The following ATP8A1 variants were observed in gnomAD, a reference collection of about 807,000 sequenced individuals.
ATP8A1 encodes ATPase phospholipid transporting 8A1.
Under a neutral mutation model 177.7 loss-of-function variants are expected in ATP8A1, and 90 were observed. The observed-to-expected ratio is 0.51, with a 90% CI of 0.43 to 0.60. The LOEUF (loss-of-function observed/expected upper bound fraction) is 0.60, where lower values mean the gene tolerates loss of function less well. Among genes scored for constraint, ATP8A1 ranks in the 20% least tolerant of loss-of-function variants. The pLI, the probability that ATP8A1 is intolerant of heterozygous loss-of-function variation, is 0.00. For missense variants in ATP8A1, 1,072 were observed against 1,392.8 expected (o/e 0.77, Z 3.67); for synonymous variants, 493 against 485.9 (o/e 1.01, Z -0.19).
intron 1 of ATP8A1, among the ~76,000 whole-genome samples, chr4:42,632,674 A>G (rs1330212774): frequency 6.6e-6 from 1 of 152,216 alleles, no homozygotes; most frequent in Non-Finnish European, 1.5e-5. Context: ...TTTATTTGTC[A>G]AGAAAACAAA....
chr4:42,524,665 G>T (rs111997833), intron 21 of ATP8A1, 98 bp downstream of exon 21: 4 of 664,954 alleles, frequency 6.0e-6, no homozygotes, highest in Non-Finnish European at 9.6e-6. Flanking sequence ...CTTACTTTAG[G>T]AATCTCTAAG....
At chr4:42,494,613 T>C (rs1723082580) in intron 24 of ATP8A1, among the ~76,000 whole-genome samples, 1 of 152,214 alleles carries the variant, frequency 6.6e-6, no homozygotes, top group Admixed American at 6.5e-5. Flanking sequence ...AAGATGGCAT[T>C]ATCTAGTCTC....
At chr4:42,598,486 T>C (rs996279821) in intron 6 of ATP8A1, among the ~76,000 whole-genome samples, 1 of 152,178 alleles carries the variant, frequency 6.6e-6, no homozygotes, top group Non-Finnish European at 1.5e-5. Context: ...TTCCAAAATA[T>C]ATTCTACTTT....
chr4:42,537,147 C>CAA (rs375397881), intron 20 of ATP8A1, among the ~76,000 whole-genome samples: 5 of 125,990 alleles, frequency 4.0e-5, no homozygotes, highest in Admixed American at 1.5e-4. Context: ...AAAAAAAAAA[C>CAA]AAAAAAACCA....
chr4:42,621,733 AATT>A (rs1447766722), intron 4 of ATP8A1, among the ~76,000 whole-genome samples: 15 of 152,222 alleles, frequency 9.9e-5, no homozygotes, highest in Non-Finnish European at 2.9e-5. Context: ...ACTATTTAAA[AATT>A]CATATGGAAC....
At chr4:42,647,355 G>T (rs1577779513) in intron 1 of ATP8A1, among the ~76,000 whole-genome samples, 1 of 152,120 alleles carries the variant, frequency 6.6e-6, no homozygotes, top group Admixed American at 6.6e-5. Context: ...GTTCAATACA[G>T]TGGCCACTAG....
intron 35 of ATP8A1, among the ~76,000 whole-genome samples, chr4:42,418,641 T>G (rs1713518530): frequency 6.6e-6 from 1 of 152,190 alleles, no homozygotes; most frequent in African/African-American, 2.4e-5. Context: ...ATTTTAAACC[T>G]TCAGGAGTAA....
At chr4:42,608,790 A>AT (rs1427901579) in intron 5 of ATP8A1, among the ~76,000 whole-genome samples, 1 of 152,204 alleles carries the variant, frequency 6.6e-6, no homozygotes, top group African/African-American at 2.4e-5. Context: ...TTTAAGAGGA[A>AT]TTTTAGGTCA....
chr4:42,637,277 G>C, intron 1 of ATP8A1: 1 of 506,556 alleles, frequency 2.0e-6, no homozygotes, highest in South Asian at 1.4e-5. Flanking sequence ...GATCTCTTCT[G>C]ATGTTAACAG....
chr4:42,442,390 G>C (rs1299976538), intron 33 of ATP8A1, among the ~76,000 whole-genome samples: 1 of 152,058 alleles, frequency 6.6e-6, no homozygotes, highest in Non-Finnish European at 1.5e-5. Context: ...TTTTCCTTCA[G>C]TTGTATTCCT....
At chr4:42,447,922 G>A (rs1366940728) in intron 30 of ATP8A1, among the ~76,000 whole-genome samples, 1 of 152,178 alleles carries the variant, frequency 6.6e-6, no homozygotes, top group Non-Finnish European at 1.5e-5. Context: ...GGCATGTTCA[G>A]CATTTGAATA....
At chr4:42,624,713 G>A in intron 3 of ATP8A1, 79 bp from the exon 4 acceptor site, 1 of 731,788 alleles carries the variant, frequency 1.4e-6, no homozygotes. Context: ...CAGTCTCAGT[G>A]CCTTCTAAAA....
At chr4:42,438,909 G>T (rs1438724795) in intron 33 of ATP8A1, among the ~76,000 whole-genome samples, 1 of 152,074 alleles carries the variant, frequency 6.6e-6, no homozygotes. Context: ...TAAACATAGC[G>T]CCTGGAGAAC....
intron 24 of ATP8A1, among the ~76,000 whole-genome samples, chr4:42,486,857 G>A (rs4283705): frequency 0.078 from 11,873 of 152,230 alleles, 1,505 homozygotes; most frequent in African/African-American, 0.27. Context: ...GCTATCTTGT[G>A]TAGCCTGAGT....
chr4:42,621,694 C>T (rs1016999676), intron 4 of ATP8A1, among the ~76,000 whole-genome samples: 1 of 152,186 alleles, frequency 6.6e-6, no homozygotes, highest in Non-Finnish European at 1.5e-5. Flanking sequence ...CCATTCTTTA[C>T]AGAATGTCAA....
rs751599908 is a variant in ATP8A1 at position 42,507,105 on chromosome 4, T to C, written c.1997A>G (p.Gln666Arg). 2 of 1,614,110 alleles carry C rather than the reference T, an allele frequency of 1.2e-6. No homozygotes were observed. Among genetic ancestry groups the C allele is most frequent in the South Asian group, 2.2e-5 (2 of 91,084 alleles). ...ATAIEDKLQD[Q>R]VPETIETLMK... The stretch of plus-strand genomic sequence containing the variant: ...TAGCGTTTCTATGGTTTCAGGCACT[T>C]GATCTTGTAATTTATCCTCAATGGC... Residue 666 changes from glutamine to arginine, a missense_variant, in exon 23 of 37, where the codon CAA becomes CGA. Physicochemically the swap from Gln to Arg is conservative, Grantham distance 43 (BLOSUM62 1). Transcript: ENST00000381668.
chr4:42,565,846 A>C (rs967423083), intron 15 of ATP8A1, among the ~76,000 whole-genome samples: 2 of 152,232 alleles, frequency 1.3e-5, no homozygotes, highest in African/African-American at 4.8e-5. Context: ...AAATGAGCAT[A>C]TCTTAGGGCT....
chr4:42,458,854 A>C (rs1341718377), intron 27 of ATP8A1, among the ~76,000 whole-genome samples: 1 of 151,850 alleles, frequency 6.6e-6, no homozygotes, highest in Non-Finnish European at 1.5e-5. Context: ...TCTGCATATT[A>C]AACAGCAGCT....
intron 20 of ATP8A1, among the ~76,000 whole-genome samples, chr4:42,526,429 G>A (rs1726678603): frequency 1.3e-5 from 2 of 152,314 alleles, no homozygotes; most frequent in East Asian, 1.9e-4. Context: ...TACCAAAGGA[G>A]ATTAACATTT....
Sources: allele counts gnomAD v4.1 joint callset (sites outside exome capture counted in the v4.1 genomes callset), GRCh38; gene constraint gnomAD v4.1.1; transcripts MANE v1.5; gene names NCBI Gene and HGNC (gene_info 2026-07-23, HGNC 2026-07-21).